KMT2C: variants seen among roughly 807,000 people sequenced by gnomAD.
KMT2C encodes the protein histone-lysine N-methyltransferase 2C.
A neutral mutation model predicts 507.9 loss-of-function variants in KMT2C; 88 were observed. The observed-to-expected ratio is 0.17, with a 90% CI of 0.15 to 0.21. The LOEUF (loss-of-function observed/expected upper bound fraction) is 0.21, where lower values mean the gene tolerates loss of function less well. Among genes scored for constraint, KMT2C ranks in the 10% least tolerant of loss-of-function variants. The probability of loss-of-function intolerance (pLI) is 1.00; values close to 1 mark genes in which losing one functional copy is unlikely to be tolerated. For synonymous variants in KMT2C, 2,049 were observed against 2,080.8 expected (o/e 0.98, Z 0.42); for missense variants, 4,954 against 5,957.8 (o/e 0.83, Z 5.55).
Position 152,397,544 on chromosome 7 carries a change from T to C in KMT2C, c.161+38082A>G, listed in dbSNP as rs17173425. 6.5e-3 allele frequency among the ~76,000 whole-genome samples: 990 copies of C among 152,250 alleles called. 6 individuals are homozygous for C. Among genetic ancestry groups the C allele is most frequent in the African/African-American group, 0.022 (904 of 41,540 alleles). On this transcript the variant is annotated intron_variant, in intron 1 of 58. Transcript: ENST00000262189. ...AATATGGTCTCCTAAGTTCCCCTCA[T>C]TGCACAGTAACACCAATCGTTTATT...
intron 6 of KMT2C, among the ~76,000 whole-genome samples, chr7:152,282,919 T>C (rs2096244627): frequency 6.6e-6 from 1 of 152,152 alleles, no homozygotes; most frequent in African/African-American, 2.4e-5. Flanking sequence ...AACTCAACTT[T>C]TAATGGAAAA....
chr7:152,140,567 T>G (rs1184033187), intron 55 of KMT2C, among the ~76,000 whole-genome samples: 1 of 152,236 alleles, frequency 6.6e-6, no homozygotes, highest in African/African-American at 2.4e-5. Context: ...GTTTTTGCAC[T>G]TAATTCTGAC....
At chr7:152,249,687 A>C (rs1392577472) in intron 13 of KMT2C, among the ~76,000 whole-genome samples, 189 bp downstream of exon 13, 4 of 151,038 alleles carry the variant, frequency 2.6e-5, no homozygotes, top group Non-Finnish European at 5.9e-5. Flanking sequence ...AAAAAAAAAA[A>C]AAAAAAAAAA....
chr7:152,145,555 A>G (rs1040776177), intron 53 of KMT2C, among the ~76,000 whole-genome samples: 49 of 152,246 alleles, frequency 3.2e-4, no homozygotes, highest in African/African-American at 1.2e-3. Flanking sequence ...CCCATGCAAC[A>G]AACACTGGCT....
intron 1 of KMT2C, chr7:152,368,745 T>C (rs1203473823): frequency 4.2e-6 from 4 of 950,452 alleles, no homozygotes; most frequent in South Asian, 1.5e-5. Flanking sequence ...TTGACCAATA[T>C]GCACCAGTTT....
At chr7:152,141,800 C>T (rs1173181317) in intron 55 of KMT2C, among the ~76,000 whole-genome samples, 1 of 151,790 alleles carries the variant, frequency 6.6e-6, no homozygotes, top group Non-Finnish European at 1.5e-5. Flanking sequence ...AGGTGAATTG[C>T]TTGAGTTCAG....
At chr7:152,141,434 G>A (rs533711895) in intron 55 of KMT2C, among the ~76,000 whole-genome samples, 21 of 152,042 alleles carry the variant, frequency 1.4e-4, no homozygotes, top group African/African-American at 4.8e-4. Flanking sequence ...AAAAGGCCAG[G>A]TGCGGTGGCT....
chr7:152,229,881 A>G (rs2095054751), intron 18 of KMT2C, 42 bp downstream of exon 18: 1 of 1,492,902 alleles, frequency 6.7e-7, no homozygotes, highest in African/African-American at 1.4e-5. Context: ...AACCAAATAA[A>G]AATTCAATAC....
intron 49 of KMT2C, 40 bp downstream of exon 49, chr7:152,152,665 A>T (rs576332651): frequency 1.2e-6 from 2 of 1,604,840 alleles, no homozygotes; most frequent in South Asian, 2.2e-5. Context: ...CTTTTGAATC[A>T]GGAATGGATT....
intron 12 of KMT2C, 152 bp from the exon 13 acceptor site, chr7:152,250,105 A>G (rs2095540176): frequency 3.9e-6 from 2 of 512,196 alleles, no homozygotes; most frequent in Non-Finnish European, 6.9e-6. Context: ...TAAGTTATGA[A>G]GACAAAATTA....
At chr7:152,200,961 C>G (rs867600451) in intron 26 of KMT2C, among the ~76,000 whole-genome samples, 5 of 151,884 alleles carry the variant, frequency 3.3e-5, no homozygotes, top group African/African-American at 1.2e-4. Context: ...AACTAGAATA[C>G]CAGGTAGAAG....
intron 31 of KMT2C, among the ~76,000 whole-genome samples, chr7:152,193,226 C>A (rs1453837011): frequency 6.6e-6 from 1 of 152,096 alleles, no homozygotes; most frequent in African/African-American, 2.4e-5. Flanking sequence ...CACCATGCAA[C>A]TCCATAAACT....
chr7:152,279,647 T>C (rs571480035), intron 6 of KMT2C, among the ~76,000 whole-genome samples: 1 of 152,360 alleles, frequency 6.6e-6, no homozygotes, highest in Non-Finnish European at 1.5e-5. Flanking sequence ...CTAATCATTC[T>C]AGTTGGCATA....
Position 152,148,034 on chromosome 7 carries a change from T to C in KMT2C, c.13893A>G (p.Lys4631=), listed in dbSNP as rs572878921. The C allele has an allele frequency of 1.1e-5, 17 of 1,575,428 alleles. No homozygotes were observed. The South Asian group carries it at 1.7e-4, about 16-fold the overall frequency. The change falls in exon 52 of 59, where the codon AAA becomes AAG. Residue 4631 remains lysine, a splice_region_variant and synonymous_variant. Transcript: ENST00000262189. This position sits in a 1 kb window ranked among gnomAD's most constrained non-coding sequence, Gnocchi z 7.1. ...EDLVLSDISP[K]GVWDKILEPV... is the part of the protein sequence containing the mutation. ...CAGCATGTGAACGGCAGACGTTACC[T>C]TTAGGTGAGATGTCACTTAGAACCA...
chr7:152,188,115 A>G (rs1563318471), intron 31 of KMT2C, among the ~76,000 whole-genome samples: 3 of 152,236 alleles, frequency 2.0e-5, no homozygotes, highest in Non-Finnish European at 4.4e-5. Flanking sequence ...CAAAGCCCCA[A>G]GTACAGAAGA....
rs199737499 is a variant in KMT2C at position 152,259,124 on chromosome 7, AAAC to A, written c.1299+3889_1299+3891del. ...GGAAATTTGTTTGAAAAAAAGAAAA[AAAC>A]AAGTATATCGAGAAGAACTCTATTC... On this transcript the variant is annotated intron_variant, in intron 9 of 58. Transcript: ENST00000262189. Among the ~76,000 whole-genome samples the A allele has an allele frequency of 8.6e-3, 1,311 of 152,264 alleles. 20 individuals carry two copies. The highest frequency in any genetic ancestry group is 0.03 in the African/African-American group (1,263 of 41,536).
intron 1 of KMT2C, among the ~76,000 whole-genome samples, chr7:152,399,564 G>A (rs892673150): frequency 6.6e-6 from 1 of 151,952 alleles, no homozygotes; most frequent in Non-Finnish European, 1.5e-5. Flanking sequence ...AAGCCTGCCT[G>A]CCAACCATTA....
chr7:152,154,492 G>A (rs1179816939), intron 46 of KMT2C, 47 bp from the exon 47 acceptor site: 2 of 1,562,976 alleles, frequency 1.3e-6, no homozygotes, highest in South Asian at 2.2e-5. Flanking sequence ...ATCCACCACT[G>A]GGGGCTTCCT....
At chr7:152,346,050 T>C (rs1422684503) in intron 2 of KMT2C, among the ~76,000 whole-genome samples, 2 of 152,194 alleles carry the variant, frequency 1.3e-5, no homozygotes, top group East Asian at 1.9e-4. Context: ...AAGGGGTTAA[T>C]TCCCAAGACA....
Sources: allele counts gnomAD v4.1 joint callset (sites outside exome capture counted in the v4.1 genomes callset), GRCh38; gene constraint gnomAD v4.1.1; non-coding constraint Gnocchi (gnomAD v3.1); transcripts MANE v1.5; gene names NCBI Gene and HGNC (gene_info 2026-07-23, HGNC 2026-07-21).